Variants in TPRG1 observed in about 807,000 individuals in gnomAD.
TPRG1 encodes tumor protein p63 regulated 1.
Under a neutral mutation model 29.3 loss-of-function variants are expected in TPRG1, and 29 were observed. That is an observed-to-expected ratio of 0.99 (90% CI 0.74 to 1.35). The LOEUF (loss-of-function observed/expected upper bound fraction) is 1.35. Among genes scored for constraint, TPRG1 ranks in the 40% most tolerant of loss-of-function variants. The pLI is 0.00. For synonymous variants in TPRG1, 130 were observed against 116.8 expected (o/e 1.11, Z -0.73); for missense variants, 327 against 335.0 (o/e 0.98, Z 0.19).
chr3:189,320,534 A>G, intron 5 of TPRG1, 92 bp from the exon 6 acceptor site: 1 of 1,036,872 alleles, frequency 9.6e-7, no homozygotes, highest in Non-Finnish European at 1.4e-6. Flanking sequence ...CCAGGAGAGT[A>G]GTCAACTTCT....
chr3:189,261,258 A>G lies in TPRG1; in HGVS notation c.479+22349A>G, dbSNP rs141827151. Among the ~76,000 whole-genome samples the G allele has an allele frequency of 6.6e-5, 10 of 152,212 alleles. No individual in the cohort carries two copies. The East Asian group carries it at 9.7e-4, about 15-fold the overall frequency. On this transcript the variant is annotated intron_variant, in intron 4 of 5. Transcript: ENST00000345063. The stretch of plus-strand genomic sequence containing the variant: ...ACCTGACCAGAAAATTGAGTGCTCC[A>G]AAAGAATCTGGCTAACTTTTAATTA...
intron 4 of TPRG1, among the ~76,000 whole-genome samples, chr3:189,084,326 C>G (rs1471757966): frequency 1.3e-5 from 2 of 152,092 alleles, no homozygotes; most frequent in African/African-American, 4.8e-5. Flanking sequence ...TACGTATGAG[C>G]TTGTCAAGGG....
At chr3:189,038,132 C>A (rs370854885) in intron 4 of TPRG1, among the ~76,000 whole-genome samples, 1 of 151,588 alleles carries the variant, frequency 6.6e-6, no homozygotes, top group African/African-American at 2.4e-5. Flanking sequence ...CCTTCCCTAC[C>A]CTCTATTATT....
chr3:189,006,998 T>A (rs1011034005), intron 3 of TPRG1, among the ~76,000 whole-genome samples: 1 of 152,172 alleles, frequency 6.6e-6, no homozygotes, highest in Non-Finnish European at 1.5e-5. Flanking sequence ...AAGGACTTCA[T>A]GTGCAAAACA....
chr3:189,013,308 T>C (rs1712703243), intron 3 of TPRG1, among the ~76,000 whole-genome samples: 2 of 152,230 alleles, frequency 1.3e-5, no homozygotes, highest in Admixed American at 1.3e-4. Flanking sequence ...GGTTGTTCAA[T>C]TTCCATGTAG....
At chr3:189,270,795 C>T (rs1443192864) in intron 4 of TPRG1, among the ~76,000 whole-genome samples, 1 of 152,044 alleles carries the variant, frequency 6.6e-6, no homozygotes, top group African/African-American at 2.4e-5. Context: ...AACAAACATC[C>T]TGAAGGCCAC....
chr3:189,194,551 T>C (rs891313287), intron 1 of TPRG1, among the ~76,000 whole-genome samples: 2 of 152,174 alleles, frequency 1.3e-5, no homozygotes, highest in African/African-American at 4.8e-5. Flanking sequence ...AGGCATCTCC[T>C]AACAGCTTGG....
At chr3:189,142,829 C>CATTAGCTCTATTTA (rs1181162971) in intron 3 of TPRG1, among the ~76,000 whole-genome samples, 15 of 152,220 alleles carry the variant, frequency 9.9e-5, no homozygotes, top group Admixed American at 9.8e-4. Flanking sequence ...TGGAGAAACT[C>CATTAGCTCTATTTA]ATTAGCTCTA....
intron 3 of TPRG1, among the ~76,000 whole-genome samples, chr3:189,138,501 C>G (rs1438056631): frequency 2.0e-5 from 3 of 152,106 alleles, no homozygotes; most frequent in African/African-American, 7.2e-5. Flanking sequence ...ATTCAGAGAC[C>G]CAGGTTCCTT....
At chr3:189,200,163 G>A (rs969737511) in intron 1 of TPRG1, among the ~76,000 whole-genome samples, 3 of 152,216 alleles carry the variant, frequency 2.0e-5, no homozygotes, top group African/African-American at 7.2e-5. Flanking sequence ...GCCTGGCCCA[G>A]GTGGAGCTGG....
chr3:189,110,624 A>C (rs1341313331), intron 1 of TPRG1, among the ~76,000 whole-genome samples: 1 of 152,022 alleles, frequency 6.6e-6, no homozygotes, highest in East Asian at 1.9e-4. Flanking sequence ...CCACAGTTAC[A>C]AAGTTTTTTG....
At position 189,154,262 on chromosome 3, in the gene TPRG1, T is replaced by G. The variant is rs141588700; in HGVS notation, c.-10+3390T>G. 4.1e-3 allele frequency among the ~76,000 whole-genome samples: 624 copies of G among 152,322 alleles called. 6 individuals carry two copies. Among genetic ancestry groups the G allele is most frequent in the African/African-American group, 0.014 (590 of 41,570 alleles). On this transcript the variant is annotated intron_variant, in intron 5 of 6. Transcript: ENST00000412373. Reference sequence around the variant, plus strand: ...GCTGGCAAAGTGAAGATTATTACCCTTATTTTACGATTATAAAAACTGAGG... The same window carrying G: ...GCTGGCAAAGTGAAGATTATTACCCGTATTTTACGATTATAAAAACTGAGG...
chr3:189,093,640 A>G (rs926246222), intron 4 of TPRG1, among the ~76,000 whole-genome samples: 1 of 152,040 alleles, frequency 6.6e-6, no homozygotes, highest in African/African-American at 2.4e-5. Flanking sequence ...TCTCGGGGCT[A>G]TTTCCTTTCA....
At chr3:189,124,948 A>C (rs981972075) in intron 1 of TPRG1, among the ~76,000 whole-genome samples, 2 of 152,200 alleles carry the variant, frequency 1.3e-5, no homozygotes, top group African/African-American at 4.8e-5. Flanking sequence ...TTTTGACCAA[A>C]GTAGTATTAG....
chr3:189,121,190 T>A (rs917054807), intron 1 of TPRG1: 2 of 152,238 alleles, frequency 1.3e-5, no homozygotes. Context: ...TTTTAGTACC[T>A]GAAAAATCTC....
chr3:189,193,274 T>C lies in TPRG1; in HGVS notation c.-9-14102T>C, dbSNP rs115629138. 4.9e-3 allele frequency among the ~76,000 whole-genome samples: 743 copies of C among 151,954 alleles called. 6 individuals are homozygous for C. The highest frequency in any genetic ancestry group is 0.017 in the African/African-American group (707 of 41,460). On this transcript the variant is annotated intron_variant, in intron 1 of 5. Transcript: ENST00000345063. ...CCTCAGCCTCCTGAGTAGCTGGGACTATATGTGCATGATACCATGTCCAAC... is the reference window on the plus strand; with the variant it reads ...CCTCAGCCTCCTGAGTAGCTGGGACCATATGTGCATGATACCATGTCCAAC...
At position 189,063,888 on chromosome 3, in the gene TPRG1, C is replaced by T. The variant is rs535428051; in HGVS notation, c.-463+39942C>T. On this transcript the variant is annotated intron_variant, in intron 4 of 10. Transcript: ENST00000433971. ...CTTTTAGGACTTAGAAGTCATTATACTCATGATTGTGGTTTATTATAGTAA... is the reference window on the plus strand; with the variant it reads ...CTTTTAGGACTTAGAAGTCATTATATTCATGATTGTGGTTTATTATAGTAA... 2.0e-5 allele frequency among the ~76,000 whole-genome samples: 3 copies of T among 152,158 alleles called. No individual in the cohort carries two copies. In the South Asian group the frequency reaches 6.2e-4, roughly 32 times the overall value.
chr3:189,192,053 A>G (rs1731775756), intron 1 of TPRG1, among the ~76,000 whole-genome samples: 1 of 152,208 alleles, frequency 6.6e-6, no homozygotes, highest in East Asian at 1.9e-4. Context: ...AAGCTCACCA[A>G]GCTCACAATT....
At chr3:189,204,871 A>G (rs1356800837) in intron 1 of TPRG1, among the ~76,000 whole-genome samples, 2 of 152,068 alleles carry the variant, frequency 1.3e-5, no homozygotes, top group East Asian at 3.9e-4. Flanking sequence ...TGTAGCTGCC[A>G]GGGACAGGAA....
Sources: gnomAD v4.1 joint callset for allele counts (sites outside exome capture counted in the v4.1 genomes callset) on GRCh38, gnomAD v4.1.1 for gene constraint, MANE v1.5 for transcripts, NCBI Gene and HGNC (gene_info 2026-07-23, HGNC 2026-07-21) for gene names.